The following SRSF1 variants were observed in gnomAD, a reference collection of about 807,000 sequenced individuals.
SRSF1 encodes the protein serine and arginine rich splicing factor 1.
Under a neutral mutation model 25.9 loss-of-function variants are expected in SRSF1, and 1 was observed. The observed-to-expected ratio is 0.04, with a 90% CI of 0.01 to 0.18. The LOEUF is 0.18. SRSF1 is among the 10% of genes least tolerant of loss of function. The pLI is 1.00. For missense variants in SRSF1, 65 were observed against 350.5 expected (o/e 0.19, Z 6.50); for synonymous variants, 132 against 126.2 (o/e 1.05, Z -0.31).
the SRSF1 span, chr17:57,989,830 G>C: frequency 2.5e-6 from 1 of 398,302 alleles, no homozygotes; most frequent in Non-Finnish European, 4.4e-6. Flanking sequence ...TGATGAAAGA[G>C]TTTCTGATAC....
Position 58,005,646 on chromosome 17 carries a change from C to T in SRSF1, c.553-46G>A. On this transcript the variant is annotated intron_variant, in intron 3 of 3. Transcript: ENST00000258962. The surrounding 1 kb of genome is among the most constrained non-coding windows in gnomAD (Gnocchi z 5.2). ...TCCATTGAAAGATCTAAGCTTTCAT[C>T]TATCTTCAGACATGCTGAATGAATA... The T allele has an allele frequency of 1.9e-6, 3 of 1,610,980 alleles. No individual in the cohort carries two copies. Among genetic ancestry groups the T allele is most frequent in the Non-Finnish European group, 2.5e-6 (3 of 1,177,638 alleles).
rs372100125 is a variant in SRSF1, at chr17:58,005,787, C to T, written c.552+14G>A. On this transcript the variant is annotated intron_variant, in intron 3 of 3. Transcript: ENST00000258962. The surrounding 1 kb of genome is among the most constrained non-coding windows in gnomAD (Gnocchi z 5.2). ...CCAATTCTGGTCAAAGAAAAGAATA[C>T]GTGTATAACCTACCTCATGAGATCT... The T allele has an allele frequency of 2.5e-6, 4 of 1,614,144 alleles. No homozygotes were observed. The highest frequency in any genetic ancestry group is 1.1e-5 in the South Asian group (1 of 91,084).
rs1461326095 is a variant in SRSF1, at chr17:58,005,613, C to A, written c.553-13G>T. 1 of 1,612,854 alleles carries A rather than the reference C, an allele frequency of 6.2e-7. No individual in the cohort carries two copies. Among genetic ancestry groups the A allele is most frequent in the South Asian group, 1.1e-5 (1 of 91,050 alleles). On this transcript the variant is annotated splice_polypyrimidine_tract_variant and intron_variant, in intron 3 of 3. Transcript: ENST00000258962. This position sits in a 1 kb window ranked among gnomAD's most constrained non-coding sequence, Gnocchi z 5.2. ...AGGCAGTTTCTCCCTATTGGATAGA[C>A]AGAACTTTCCATTGAAAGATCTAAG... is the stretch of plus-strand genomic sequence containing the variant.
intron 2 of SRSF1, 63 bp from the exon 3 acceptor site, chr17:58,006,036 G>A: frequency 1.3e-6 from 2 of 1,491,702 alleles, no homozygotes; most frequent in Admixed American, 1.8e-5. Context: ...AAGCTGGTAA[G>A]GTACATTAGG....
In SRSF1 at chr17:58,005,984, GATTTTT is replaced by G. The variant is rs752535228; in HGVS notation, c.380-17_380-12del. On this transcript the variant is annotated splice_polypyrimidine_tract_variant and intron_variant, in intron 2 of 3. Transcript: ENST00000258962. This position sits in a 1 kb window ranked among gnomAD's most constrained non-coding sequence, Gnocchi z 5.2. Reference sequence around the variant, plus strand: ...CACTTGGAGGCAGTCCTGAAAAAGTGATTTTTTTTTTCTTAGTACCAATTATCTTAA... The same window carrying G: ...CACTTGGAGGCAGTCCTGAAAAAGTGTTTTTCTTAGTACCAATTATCTTAA... The G allele has an allele frequency of 6.2e-7, 1 of 1,604,712 alleles. No homozygotes were observed. The highest frequency in any genetic ancestry group is 8.5e-7 in the Non-Finnish European group (1 of 1,178,456).
At chr17:58,006,641 C>A in intron 1 of SRSF1, 114 bp from the exon 2 acceptor site, 1 of 1,269,152 alleles carries the variant, frequency 7.9e-7, no homozygotes, top group Non-Finnish European at 1.1e-6. Flanking sequence ...AGCCCACATG[C>A]GCCGCATAAT....
At chr17:57,992,561 G>A in the SRSF1 span, 2 of 152,118 alleles carry the variant, frequency 1.3e-5, no homozygotes, top group African/African-American at 4.8e-5. Context: ...CTTCTCCTCG[G>A]CTACAGCCTC....
chr17:57,996,309 C>G (rs1287055337), downstream of SRSF1, among the ~76,000 whole-genome samples: 2 of 151,740 alleles, frequency 1.3e-5, no homozygotes, highest in African/African-American at 4.8e-5. Context: ...ATAGTGAAAC[C>G]CTGTCTCTAC....
the SRSF1 span, among the ~76,000 whole-genome samples, chr17:57,995,073 C>T: frequency 1.6e-4 from 25 of 152,334 alleles, no homozygotes; most frequent in African/African-American, 5.1e-4. Flanking sequence ...AGTTTTGACA[C>T]TGTAGATTAC....
Position 58,006,537 on chromosome 17 carries a change from C to A in SRSF1, c.195-10G>T. ...CGCGTCTTCCGCGTCTCTGCGGGAT[C>A]GCAGAAAGTAAAAGGGATGAGAAAC... On this transcript the variant is annotated splice_polypyrimidine_tract_variant and intron_variant, in intron 1 of 3. Transcript: ENST00000258962. 6.2e-7 allele frequency: 1 copy of A among 1,607,738 alleles called. No homozygotes were observed. The highest frequency in any genetic ancestry group is 1.3e-5 in the African/African-American group (1 of 74,860).
At chr17:57,997,024 C>A (rs915080743), downstream of SRSF1, among the ~76,000 whole-genome samples, 6 of 152,102 alleles carry the variant, frequency 3.9e-5, no homozygotes, top group Non-Finnish European at 8.8e-5. Context: ...AATTCTGAGG[C>A]AACTTAAAGC....
rs1302117463 is a variant in SRSF1, at chr17:58,001,438, A to C, written c.*3968T>G. ...AAACATTAAACTTAGCTTAGTTTTA[A>C]AAACAAAATTCAGACCCAAACAATC... On this transcript the variant is annotated 3_prime_UTR_variant, in exon 4 of 4. Coordinates refer to ENST00000258962, the MANE Select transcript of SRSF1 (RefSeq NM_006924.5). Among the ~76,000 whole-genome samples the C allele has an allele frequency of 6.6e-6, 1 of 152,214 alleles. No individual in the cohort carries two copies. The highest frequency in any genetic ancestry group is 1.5e-5 in the Non-Finnish European group (1 of 68,010).
At chr17:58,000,571 G>C (rs1421921330), downstream of SRSF1, among the ~76,000 whole-genome samples, 1 of 152,126 alleles carries the variant, frequency 6.6e-6, no homozygotes, top group African/African-American at 2.4e-5. Context: ...AGAATGTAAA[G>C]AAATGTGGGC....
chr17:57,989,573 A>C, the SRSF1 span: 1 of 397,920 alleles, frequency 2.5e-6, no homozygotes, highest in Non-Finnish European at 4.4e-6. Context: ...AAGGAGATAT[A>C]GTAATTTGAC....
chr17:57,993,055 G>A, the SRSF1 span: 1 of 152,130 alleles, frequency 6.6e-6, no homozygotes, highest in African/African-American at 2.4e-5. Flanking sequence ...CCAGAAAAGG[G>A]AATTAACTTT....
downstream of SRSF1, among the ~76,000 whole-genome samples, chr17:57,998,293 C>G (rs567675914): frequency 1.9e-4 from 29 of 152,298 alleles, no homozygotes; most frequent in African/African-American, 6.7e-4. Context: ...GGGTAGAAGA[C>G]ATTCACCCAG....
rs906169912 is a variant in SRSF1 at position 58,006,243 on chromosome 17, C to A, written c.379+100G>T. On this transcript the variant is annotated intron_variant, in intron 2 of 3. Coordinates refer to ENST00000258962, the MANE Select transcript of SRSF1 (RefSeq NM_006924.5). ...CCCAAAAACTAAAGCAATTTAAGACCTAGCATGAAAAATTTGCAATTATTA... is the reference window on the plus strand; with the variant it reads ...CCCAAAAACTAAAGCAATTTAAGACATAGCATGAAAAATTTGCAATTATTA... The A allele has an allele frequency of 2.8e-6, 4 of 1,410,350 alleles. No individual in the cohort carries two copies. The South Asian group carries it at 4.2e-5, about 15-fold the overall frequency. 87.4% of individuals were successfully genotyped at this position (1,410,350 alleles called of 1,614,324 possible). A position where few individuals can be genotyped will look rare whatever the true frequency, so the allele number is the denominator to read the frequency against.
chr17:57,994,013 C>A, the SRSF1 span: 1 of 152,216 alleles, frequency 6.6e-6, no homozygotes, highest in Non-Finnish European at 1.5e-5. Flanking sequence ...TTCCTGAGCA[C>A]CTGGTACAAA....
At position 58,006,359 on chromosome 17, in the gene SRSF1, G is replaced by A. The variant is rs2075427492; in HGVS notation, c.363C>T (p.Asn121=). The part of the protein sequence containing the change: ...RYGPPSRRSE[N]RVVVSGLPPS... Reference sequence around the variant, plus strand: ...TACACTCACCAGAGACAACCACTCTGTTTTCAGACCGCCTGGATGGGGGGC... The same window carrying A: ...TACACTCACCAGAGACAACCACTCTATTTTCAGACCGCCTGGATGGGGGGC... The change falls in exon 2 of 4, where the codon AAC becomes AAT. Residue 121 remains asparagine, a synonymous_variant. Transcript: ENST00000258962. The A allele has an allele frequency of 1.9e-6, 3 of 1,612,468 alleles. No individual in the cohort carries two copies. The highest frequency in any genetic ancestry group is 2.5e-6 in the Non-Finnish European group (3 of 1,179,750).
Sources: allele counts gnomAD v4.1 joint callset (sites outside exome capture counted in the v4.1 genomes callset), GRCh38; gene constraint gnomAD v4.1.1; non-coding constraint Gnocchi (gnomAD v3.1); transcripts MANE v1.5; gene names NCBI Gene and HGNC (gene_info 2026-07-23, HGNC 2026-07-21).